STX5: variants seen among roughly 807,000 people sequenced by gnomAD.
STX5 encodes syntaxin-5.
A neutral mutation model predicts 42.9 loss-of-function variants in STX5; 15 were observed. The ratio of observed to expected loss-of-function variants is 0.35; its 90% CI spans 0.23 to 0.54. The LOEUF (loss-of-function observed/expected upper bound fraction) is 0.54, where lower values mean the gene tolerates loss of function less well. STX5 is among the 20% of genes least tolerant of loss of function. The pLI is 0.91. For missense variants in STX5, 430 were observed against 455.0 expected (o/e 0.95, Z 0.50); for synonymous variants, 184 against 173.2 (o/e 1.06, Z -0.49).
chr11:62,824,887 C>T (rs1590973147), intron 8 of STX5, 149 bp downstream of exon 8: 2 of 722,852 alleles, frequency 2.8e-6, no homozygotes, highest in South Asian at 3.5e-5. Flanking sequence ...TCACGAATCT[C>T]AACCATCTGG....
At chr11:62,828,997 AGGCT>A in intron 2 of STX5, among the ~76,000 whole-genome samples, 2 of 150,650 alleles carry the variant, frequency 1.3e-5, no homozygotes, top group East Asian at 4.0e-4. Flanking sequence ...CCAGAGGTGG[AGGCT>A]GCAGTGAACC....
chr11:62,809,884 A>C (rs1043811660), intron 10 of STX5, among the ~76,000 whole-genome samples: 3 of 151,690 alleles, frequency 2.0e-5, no homozygotes, highest in Admixed American at 1.3e-4. Flanking sequence ...TGGGCGGATC[A>C]CAAGTTCAGG....
chr11:62,824,978 T>C (rs766140874), intron 8 of STX5, 58 bp downstream of exon 8: 2 of 1,574,362 alleles, frequency 1.3e-6, no homozygotes, highest in East Asian at 4.5e-5. Context: ...GAGGATGCCA[T>C]CACAACCAGA....
At chr11:62,809,132 C>CA (rs2084586540) in intron 10 of STX5, among the ~76,000 whole-genome samples, 1 of 151,342 alleles carries the variant, frequency 6.6e-6, no homozygotes, top group Non-Finnish European at 1.5e-5. Context: ...ACTAAAAATA[C>CA]AAAAAATTAG....
At chr11:62,816,057 GAAGT>G (rs1241232665) in intron 10 of STX5, 1 of 152,106 alleles carries the variant, frequency 6.6e-6, no homozygotes, top group African/African-American at 2.4e-5. Context: ...ATGTCCTGCT[GAAGT>G]GAGTACTGGA....
At chr11:62,824,061 T>G (rs534429860) in intron 10 of STX5, 105 bp downstream of exon 10, 4 of 1,557,674 alleles carry the variant, frequency 2.6e-6, no homozygotes, top group Non-Finnish European at 3.5e-6. Context: ...TGGGCAGAAT[T>G]CACTCTATCT....
intron 3 of STX5, 68 bp from the exon 4 acceptor site, chr11:62,827,466 A>C: frequency 6.2e-7 from 1 of 1,613,226 alleles, no homozygotes; most frequent in Non-Finnish European, 8.5e-7. Context: ...GCTCCAGCAT[A>C]ACCAATCCCA....
At chr11:62,814,383 A>T (rs569067210) in intron 10 of STX5, among the ~76,000 whole-genome samples, 1 of 151,776 alleles carries the variant, frequency 6.6e-6, no homozygotes, top group African/African-American at 2.4e-5. Flanking sequence ...CTGGTCTCGA[A>T]CTCCCGACCT....
intron 1 of STX5, among the ~76,000 whole-genome samples, chr11:62,831,490 G>C (rs1590979940): frequency 1.3e-5 from 2 of 152,272 alleles, no homozygotes; most frequent in South Asian, 2.1e-4. Flanking sequence ...CTGGCGGCCA[G>C]AGCGCGGGCC....
rs143457390 is a variant in STX5 at position 62,827,397 on chromosome 11, G to A, written c.298C>T (p.Arg100Cys). 54 of 1,613,984 alleles carry A rather than the reference G, an allele frequency of 3.3e-5. No individual in the cohort carries two copies. The East Asian group carries it at 7.1e-4, about 21-fold the overall frequency. The change falls in exon 4 of 11, where the codon CGC (arginine) becomes TGC (cysteine). Residue 100 changes from arginine to cysteine, a missense_variant and splice_region_variant. Coordinates refer to ENST00000294179, the MANE Select transcript of STX5 (RefSeq NM_003164.5). ...QRSEFTLMAK[R>C]IGKDLSNTFA... ...GTGTTGCTAAGGTCTTTCCCAATGC[G>A]CCTGCAAATGACCACTAGTCAGACT...
chr11:62,819,061 T>C (rs1590968639), intron 10 of STX5, among the ~76,000 whole-genome samples: 1 of 146,320 alleles, frequency 6.8e-6, no homozygotes. Context: ...CTACTAAAAA[T>C]ACAAAAAAAA....
At chr11:62,810,871 T>C (rs1372772813) in intron 10 of STX5, among the ~76,000 whole-genome samples, 2 of 152,254 alleles carry the variant, frequency 1.3e-5, no homozygotes, top group East Asian at 3.8e-4. Context: ...TCCTTATTTC[T>C]TTTATGCTCC....
intron 8 of STX5, 61 bp downstream of exon 8, chr11:62,824,975 C>A (rs753724989): frequency 1.3e-6 from 2 of 1,551,742 alleles, no homozygotes; most frequent in South Asian, 1.1e-5. Flanking sequence ...TTAGAGGATG[C>A]CATCACAACC....
intron 2 of STX5, among the ~76,000 whole-genome samples, chr11:62,829,538 C>T (rs2084832974): frequency 6.6e-6 from 1 of 152,024 alleles, no homozygotes; most frequent in South Asian, 2.1e-4. Flanking sequence ...ATAAAGCAGA[C>T]GGATCACTTG....
At chr11:62,818,516 C>T (rs1000074062) in intron 10 of STX5, among the ~76,000 whole-genome samples, 3 of 148,966 alleles carry the variant, frequency 2.0e-5, no homozygotes, top group African/African-American at 5.0e-5. Flanking sequence ...GAGCCGAGAT[C>T]GCACCACTGC....
intron 5 of STX5, among the ~76,000 whole-genome samples, chr11:62,826,169 G>A (rs920922064): frequency 1.3e-4 from 20 of 151,932 alleles, no homozygotes; most frequent in African/African-American, 4.6e-4. Flanking sequence ...CAAAAGAATC[G>A]TTTTGAACCT....
chr11:62,824,323 G>A, intron 9 of STX5, 36 bp from the exon 10 acceptor site: 1 of 1,614,044 alleles, frequency 6.2e-7, no homozygotes, highest in Non-Finnish European at 8.5e-7. Context: ...AGCACCAACA[G>A]CTTCTTCAGG....
At chr11:62,809,795 AT>A (rs749346026) in intron 10 of STX5, among the ~76,000 whole-genome samples, 1 of 151,536 alleles carries the variant, frequency 6.6e-6, no homozygotes, top group Non-Finnish European at 1.5e-5. Flanking sequence ...CTACTTTCAA[AT>A]AATTCGGCAA....
At chr11:62,830,260 C>G (rs2084841795) in intron 2 of STX5, 1 of 193,494 alleles carries the variant, frequency 5.2e-6, no homozygotes, top group Admixed American at 5.3e-5. Context: ...CTAGGCCTCC[C>G]AAAGTGCTGG....
Sources: gnomAD v4.1 joint callset for allele counts (sites outside exome capture counted in the v4.1 genomes callset) on GRCh38, gnomAD v4.1.1 for gene constraint, MANE v1.5 for transcripts, NCBI Gene and HGNC (gene_info 2026-07-23, HGNC 2026-07-21) for gene names.